The following SDK1 variants were observed in gnomAD, a reference collection of about 807,000 sequenced individuals.
SDK1 encodes the protein sidekick cell adhesion molecule 1.
In SDK1, 157 loss-of-function variants were observed where a neutral mutation model predicts 245.5. The ratio of observed to expected loss-of-function variants is 0.64; its 90% CI spans 0.56 to 0.73. SDK1 has a LOEUF of 0.73. Among genes scored for constraint, SDK1 ranks in the 30% least tolerant of loss-of-function variants. The probability of loss-of-function intolerance (pLI) is 0.00; values close to 1 mark genes in which losing one functional copy is unlikely to be tolerated. For synonymous variants in SDK1, 1,647 were observed against 1,278.5 expected, an observed-to-expected ratio of 1.29 and a Z score of -6.15; for missense variants, 3,583 against 3,002.3, an observed-to-expected ratio of 1.19 and a Z score of -4.52.
chr7:3,986,847 G>A (rs922860523), intron 13 of SDK1, among the ~76,000 whole-genome samples: 25 of 152,322 alleles, frequency 1.6e-4, no homozygotes, highest in African/African-American at 6.0e-4. Context: ...GCGACAGAGC[G>A]AGACTTGGTC....
intron 17 of SDK1, among the ~76,000 whole-genome samples, chr7:4,027,402 G>A (rs191793455): frequency 4.6e-5 from 7 of 152,330 alleles, no homozygotes; most frequent in Admixed American, 3.9e-4. Context: ...TCCTTAGCAT[G>A]TGTAGGTGGG....
At position 3,967,340 on chromosome 7, in the gene SDK1, G is replaced by A. The variant is rs1467380122; in HGVS notation, c.1452G>A (p.Gln484=). ...DVTNIAPVFT[Q]RPVDTTVTDG... is the part of the protein sequence containing the mutation. ...CAGATATCGCTCCAGTGTTCACCCA[G>A]CGGCCAGTGGACACCACAGTTACTG... The change falls in exon 10 of 45, where the codon CAG becomes CAA. Residue 484 remains glutamine, a synonymous_variant. Coordinates refer to ENST00000404826, the MANE Select transcript of SDK1 (RefSeq NM_152744.4). 4 of 1,613,944 alleles carry A rather than the reference G, an allele frequency of 2.5e-6. No homozygotes were observed. Among genetic ancestry groups the A allele is most frequent in the Non-Finnish European group, 3.4e-6 (4 of 1,179,940 alleles).
intron 1 of SDK1, among the ~76,000 whole-genome samples, chr7:3,550,493 C>G (rs1259064255): frequency 1.3e-5 from 2 of 152,188 alleles, no homozygotes; most frequent in Non-Finnish European, 2.9e-5. Flanking sequence ...TTCTGGGCCA[C>G]TGCTGGGTGC....
intron 1 of SDK1, among the ~76,000 whole-genome samples, chr7:3,526,875 A>T (rs557285460): frequency 6.6e-6 from 1 of 152,124 alleles, no homozygotes; most frequent in Admixed American, 6.6e-5. Context: ...TATTATGAAG[A>T]TATTTGTCAT....
At chr7:4,139,621 GTGTGTATATGTA>G (rs1779395871) in intron 28 of SDK1, among the ~76,000 whole-genome samples, 1 of 73,890 alleles carries the variant, frequency 1.4e-5, no homozygotes. Flanking sequence ...GTATATGTGT[GTGTGTATATGTA>G]TATATGTGTG....
chr7:3,658,851 C>T (rs562744510), intron 4 of SDK1, among the ~76,000 whole-genome samples: 2 of 152,236 alleles, frequency 1.3e-5, no homozygotes, highest in South Asian at 2.1e-4. Context: ...TTCTTGACCT[C>T]AGGTGATCCG....
chr7:3,951,272 G>A (rs1395006782), intron 6 of SDK1, among the ~76,000 whole-genome samples: 1 of 152,062 alleles, frequency 6.6e-6, no homozygotes, highest in Non-Finnish European at 1.5e-5. Context: ...TGGTAGTGGG[G>A]GGCTCCTCTG....
chr7:3,752,293 C>G (rs987951311), intron 4 of SDK1, among the ~76,000 whole-genome samples: 4 of 152,140 alleles, frequency 2.6e-5, no homozygotes, highest in African/African-American at 9.7e-5. Context: ...TCAAAGACCC[C>G]TTTCTTTTGA....
intron 4 of SDK1, among the ~76,000 whole-genome samples, chr7:3,819,343 C>T (rs1201333152): frequency 6.6e-6 from 1 of 151,174 alleles, no homozygotes; most frequent in East Asian, 1.9e-4. Context: ...ATATTTTTAT[C>T]TTTATGTACC....
intron 5 of SDK1, among the ~76,000 whole-genome samples, chr7:3,857,045 T>G (rs1443371114): frequency 6.6e-6 from 1 of 152,094 alleles, no homozygotes; most frequent in Non-Finnish European, 1.5e-5. Context: ...AATGTAAGGA[T>G]GGTTCAGAAT....
intron 20 of SDK1, among the ~76,000 whole-genome samples, chr7:4,075,284 G>A (rs1349113228): frequency 6.6e-6 from 1 of 152,182 alleles, no homozygotes; most frequent in Non-Finnish European, 1.5e-5. Flanking sequence ...GAAGCTGCCA[G>A]GCTGTACGGG....
chr7:4,049,228 G>A, intron 17 of SDK1, 120 bp from the exon 18 acceptor site: 1 of 672,694 alleles, frequency 1.5e-6, no homozygotes, highest in Non-Finnish European at 2.6e-6. Context: ...ACACTTCCTC[G>A]GTCTCAGTGC....
At chr7:3,918,785 C>T (rs1048981554) in intron 5 of SDK1, among the ~76,000 whole-genome samples, 3 of 152,080 alleles carry the variant, frequency 2.0e-5, no homozygotes, top group Non-Finnish European at 2.9e-5. Context: ...TGACGCTGGA[C>T]CGGCGGTTCT....
chr7:3,821,362 C>G, intron 4 of SDK1, 88 bp from the exon 5 acceptor site: 1 of 1,438,678 alleles, frequency 7.0e-7, no homozygotes, highest in South Asian at 1.4e-5. Flanking sequence ...TCTAGGCATT[C>G]CTTTATAGTT....
At chr7:3,972,228 T>C (rs1474445476) in intron 12 of SDK1, among the ~76,000 whole-genome samples, 1 of 151,994 alleles carries the variant, frequency 6.6e-6, no homozygotes, top group African/African-American at 2.4e-5. Flanking sequence ...TACAAGTGCC[T>C]GCCACCACTC....
At chr7:3,410,857 G>A (rs1291882459) in intron 1 of SDK1, among the ~76,000 whole-genome samples, 1 of 152,030 alleles carries the variant, frequency 6.6e-6, no homozygotes, top group African/African-American at 2.4e-5. Flanking sequence ...ACGGTGCTGG[G>A]ATTACATGTT....
chr7:3,670,997 G>C (rs1233096394), intron 4 of SDK1, among the ~76,000 whole-genome samples: 3 of 152,054 alleles, frequency 2.0e-5, no homozygotes, highest in Admixed American at 1.3e-4. Context: ...TAGTTACCAC[G>C]ATTACAGTTA....
intron 1 of SDK1, among the ~76,000 whole-genome samples, chr7:3,370,553 G>A (rs74960089): frequency 0.01 from 1,538 of 152,338 alleles, 26 homozygotes; most frequent in African/African-American, 0.035. Context: ...CTGGAGTAAC[G>A]TGGTGGTGGA....
intron 13 of SDK1, 57 bp downstream of exon 13, chr7:3,974,602 C>T: frequency 6.5e-7 from 1 of 1,536,824 alleles, no homozygotes; most frequent in Non-Finnish European, 8.9e-7. Context: ...TTACTGTGCC[C>T]CTGTTAGTGA....
Sources: allele counts gnomAD v4.1 joint callset (sites outside exome capture counted in the v4.1 genomes callset), GRCh38; gene constraint gnomAD v4.1.1; transcripts MANE v1.5; gene names NCBI Gene and HGNC (gene_info 2026-07-23, HGNC 2026-07-21).